The following ATXN2 variants were observed in gnomAD, a reference collection of about 807,000 sequenced individuals.
ATXN2 encodes the protein ataxin 2.
A neutral mutation model predicts 138.6 loss-of-function variants in ATXN2; 37 were observed. The observed-to-expected ratio is 0.27, with a 90% confidence interval of 0.21 to 0.35. ATXN2 has a LOEUF of 0.35. ATXN2 is among the 10% of genes least tolerant of loss of function. The probability of loss-of-function intolerance (pLI) is 1.00; values close to 1 mark genes in which losing one functional copy is unlikely to be tolerated. For synonymous variants in ATXN2, 549 were observed against 543.7 expected (o/e 1.01, Z -0.13); for missense variants, 1,216 against 1,480.3 (o/e 0.82, Z 2.93).
intron 3 of ATXN2, among the ~76,000 whole-genome samples, chr12:111,553,181 C>T (rs1320342138): frequency 7.9e-5 from 12 of 152,042 alleles, no homozygotes; most frequent in African/African-American, 1.2e-4. Context: ...GTTTGCAGTA[C>T]GAATTTTAAT....
Position 111,598,606 on chromosome 12 carries a change from C to G in ATXN2, c.251+178G>C. 2.1e-6 allele frequency: 2 copies of G among 969,098 alleles called. No individual in the cohort carries two copies. The highest frequency in any genetic ancestry group is 2.5e-6 in the Non-Finnish European group (2 of 814,554). 60.0% of individuals were successfully genotyped at this position (969,098 alleles called of 1,614,324 possible). ...GACAGGCCTGACAATCCCAGAGGAC[C>G]CCGGCTGCGCCCACCGGCCGAGCCT... On this transcript the variant is annotated intron_variant, in intron 1 of 24. Coordinates refer to ENST00000673436, the MANE Select transcript of ATXN2 (RefSeq NM_001372574.1). This position sits in a 1 kb window ranked among gnomAD's most constrained non-coding sequence, Gnocchi z 4.5.
intron 1 of ATXN2, among the ~76,000 whole-genome samples, chr12:111,566,462 G>T (rs1459209296): frequency 7.6e-6 from 1 of 131,752 alleles, no homozygotes; most frequent in South Asian, 2.5e-4. Flanking sequence ...AAAAAAAAAA[G>T]AAATACATTC....
chr12:111,554,611 G>C (rs552827699), intron 2 of ATXN2, among the ~76,000 whole-genome samples: 1 of 152,096 alleles, frequency 6.6e-6, no homozygotes, highest in Non-Finnish European at 1.5e-5. Context: ...GACTAAACAT[G>C]ACATAAAAAA....
At chr12:111,521,601 C>G (rs1031386327) in intron 6 of ATXN2, among the ~76,000 whole-genome samples, 1 of 152,178 alleles carries the variant, frequency 6.6e-6, no homozygotes, top group Non-Finnish European at 1.5e-5. Flanking sequence ...GTCACAAGAA[C>G]TGGGCTTTAG....
At chr12:111,481,303 G>C (rs550929356) in intron 18 of ATXN2, among the ~76,000 whole-genome samples, 1 of 152,300 alleles carries the variant, frequency 6.6e-6, no homozygotes, top group African/African-American at 2.4e-5. Context: ...AAATTAGCCT[G>C]GTGTGGTGGC....
intron 20 of ATXN2, among the ~76,000 whole-genome samples, chr12:111,467,168 G>A (rs1211199050): frequency 6.6e-6 from 1 of 151,686 alleles, no homozygotes; most frequent in Non-Finnish European, 1.5e-5. Flanking sequence ...ATAGAGACAG[G>A]GTCTTGCTCT....
rs571126482 is a variant in ATXN2 at position 111,542,300 on chromosome 12, G to A, written c.571+9980C>T. On this transcript the variant is annotated intron_variant, in intron 5 of 24. Transcript: ENST00000673436. ...GGCTGGAGTGCAGCACCACCATCTC[G>A]GCTCATTGCAAACTCCGTCTCCTGG... Among the ~76,000 whole-genome samples, 13 of 151,402 alleles carry A rather than the reference G, an allele frequency of 8.6e-5. No homozygotes were observed. In the South Asian group the frequency reaches 2.3e-3, roughly 27 times the overall value.
At position 111,519,753 on chromosome 12, in the gene ATXN2, C is replaced by A. The variant is rs1033054147; in HGVS notation, c.986+126G>T. The A allele has an allele frequency of 3.4e-6, 5 of 1,489,988 alleles. No individual in the cohort carries two copies. The East Asian group carries it at 1.2e-4, about 34-fold the overall frequency. 92.3% of individuals were successfully genotyped at this position (1,489,988 alleles called of 1,614,324 possible). A position where few individuals can be genotyped will look rare whatever the true frequency, so the allele number is the denominator to read the frequency against. The stretch of plus-strand genomic sequence containing the variant: ...AACCTTTTCTCTAACAGATCTTAAA[C>A]CAATTCTACTTGCATTCTCTACCTA... On this transcript the variant is annotated intron_variant, in intron 8 of 24. Transcript: ENST00000673436.
intron 21 of ATXN2, among the ~76,000 whole-genome samples, chr12:111,463,520 A>ACCC (rs1363990552): frequency 6.6e-6 from 1 of 151,912 alleles, no homozygotes. Context: ...CAAGCAATCC[A>ACCC]CCCACCTCGG....
intron 1 of ATXN2, among the ~76,000 whole-genome samples, chr12:111,562,568 A>G (rs1882754762): frequency 6.6e-6 from 1 of 151,850 alleles, no homozygotes; most frequent in African/African-American, 2.4e-5. Context: ...TGAACATACA[A>G]AATTAGCCAG....
At chr12:111,566,207 C>T (rs1008365350) in intron 1 of ATXN2, among the ~76,000 whole-genome samples, 1 of 152,116 alleles carries the variant, frequency 6.6e-6, no homozygotes, top group East Asian at 1.9e-4. Flanking sequence ...CCGAGGCAGG[C>T]AGATCACCTG....
Position 111,537,519 on chromosome 12 carries a change from G to C in ATXN2, c.572-12203C>G, listed in dbSNP as rs1013279098. 4.6e-5 allele frequency among the ~76,000 whole-genome samples: 7 copies of C among 151,322 alleles called. No homozygotes were observed. The East Asian group carries it at 1.4e-3, about 29-fold the overall frequency. ...AATCGCTTCAACCTGGGAGGCAGAG[G>C]ATGCAGTGAGCTGCAATCATGCCAC... On this transcript the variant is annotated intron_variant, in intron 5 of 24. Transcript: ENST00000673436.
chr12:111,540,303 G>A (rs1881426652), intron 5 of ATXN2, among the ~76,000 whole-genome samples: 1 of 150,436 alleles, frequency 6.6e-6, no homozygotes, highest in African/African-American at 2.4e-5. Context: ...AACCCTATCA[G>A]TAAACAGTCT....
In ATXN2 at chr12:111,520,168, T is replaced by C. The variant is rs565915424; in HGVS notation, c.789-92A>G. 4.6e-5 allele frequency: 66 copies of C among 1,450,136 alleles called. 1 individual carries two copies. The East Asian group carries it at 1.6e-3, about 35-fold the overall frequency. The allele number at this position is 1,450,136 out of a possible 1,614,324, so 89.8% of individuals were successfully genotyped here. A position where few individuals can be genotyped will look rare whatever the true frequency, so the allele number is the denominator to read the frequency against. On this transcript the variant is annotated intron_variant, in intron 7 of 24. Coordinates refer to ENST00000673436, the MANE Select transcript of ATXN2 (RefSeq NM_001372574.1). ...TCAACTACTAAGAAAGTTTAGAGTT[T>C]AGAATACTGGTAAAAACAGAAACTA... is the stretch of plus-strand genomic sequence containing the variant.
intron 22 of ATXN2, among the ~76,000 whole-genome samples, chr12:111,456,510 C>CTACTG (rs1875114469): frequency 6.6e-6 from 1 of 152,208 alleles, no homozygotes; most frequent in Non-Finnish European, 1.5e-5. Flanking sequence ...TCAAAAAAGA[C>CTACTG]TACTGCCCCA....
At chr12:111,507,182 C>A (rs928463971) in intron 14 of ATXN2, among the ~76,000 whole-genome samples, 39 of 149,030 alleles carry the variant, frequency 2.6e-4, no homozygotes, top group African/African-American at 8.5e-4. Context: ...AAGTGAGGAG[C>A]ACCTCTTCCC....
intron 1 of ATXN2, among the ~76,000 whole-genome samples, chr12:111,595,576 A>AGGCTGCAGTG (rs1884894093): frequency 1.3e-5 from 2 of 151,338 alleles, no homozygotes; most frequent in African/African-American, 4.9e-5. Flanking sequence ...CAGGAGTCAG[A>AGGCTGCAGTG]GGCTGCAGTG....
intron 1 of ATXN2, among the ~76,000 whole-genome samples, chr12:111,566,235 C>T (rs192150352): frequency 6.6e-6 from 1 of 152,034 alleles, no homozygotes; most frequent in East Asian, 1.9e-4. Flanking sequence ...GAGTTCAAGA[C>T]CAGCCTGACC....
intron 5 of ATXN2, among the ~76,000 whole-genome samples, chr12:111,535,053 T>G (rs1472986626): frequency 6.6e-6 from 1 of 152,152 alleles, no homozygotes; most frequent in Admixed American, 6.6e-5. Flanking sequence ...GAGAACAGCT[T>G]GAGCCCAGGA....
Sources: gnomAD v4.1 joint callset for allele counts (sites outside exome capture counted in the v4.1 genomes callset) on GRCh38, gnomAD v4.1.1 for gene constraint, Gnocchi (gnomAD v3.1) non-coding constraint, MANE v1.5 for transcripts, NCBI Gene and HGNC (gene_info 2026-07-23, HGNC 2026-07-21) for gene names.